The following DRC9 variants were observed in gnomAD, a reference collection of about 807,000 sequenced individuals.
DRC9 encodes dynein regulatory complex protein 9.
chr3:197,901,201 C>T, the DRC9 span, among the ~76,000 whole-genome samples: 8 of 152,220 alleles, frequency 5.3e-5, no homozygotes, highest in East Asian at 1.2e-3. This position sits in a 1 kb window ranked among gnomAD's most constrained non-coding sequence, Gnocchi z 4.4. Flanking sequence ...TGCAGTGGCA[C>T]GATCTTGGCT....
At chr3:197,942,876 A>G in the DRC9 span, among the ~76,000 whole-genome samples, 1 of 151,472 alleles carries the variant, frequency 6.6e-6, no homozygotes, top group African/African-American at 2.4e-5. Flanking sequence ...CTGGGCAACA[A>G]GAGCGAAACT....
chr3:197,906,711 C>G, the DRC9 span: 1 of 152,268 alleles, frequency 6.6e-6, no homozygotes, highest in South Asian at 2.1e-4. Flanking sequence ...GGGAGACTTA[C>G]AGTAGGTACT....
chr3:197,944,630 A>T, the DRC9 span, among the ~76,000 whole-genome samples: 1 of 152,044 alleles, frequency 6.6e-6, no homozygotes, highest in Admixed American at 6.6e-5. Flanking sequence ...TTGTATTTTT[A>T]GTAGAGACGT....
chr3:197,899,981 T>C, the DRC9 span, among the ~76,000 whole-genome samples: 1 of 152,118 alleles, frequency 6.6e-6, no homozygotes, highest in Non-Finnish European at 1.5e-5. Flanking sequence ...GCGCGGCACC[T>C]GAGATGTGCA....
chr3:197,898,190 A>G, the DRC9 span, among the ~76,000 whole-genome samples: 444 of 152,088 alleles, frequency 2.9e-3, 5 homozygotes, highest in African/African-American at 0.01. Flanking sequence ...CTCTTCCCTC[A>G]CCTCCTCCAA....
At chr3:197,933,771 T>C in the DRC9 span, among the ~76,000 whole-genome samples, 6 of 152,010 alleles carry the variant, frequency 3.9e-5, no homozygotes, top group Non-Finnish European at 7.4e-5. Context: ...TGTTTGTGTG[T>C]TTTATTTAAA....
the DRC9 span, chr3:197,913,671 C>A: frequency 3.2e-6 from 2 of 629,516 alleles, no homozygotes; most frequent in Admixed American, 2.8e-5. Flanking sequence ...CATTATGAGG[C>A]GGGAGATGGA....
chr3:197,906,605 C>T, the DRC9 span: 1 of 152,164 alleles, frequency 6.6e-6, no homozygotes, highest in African/African-American at 2.4e-5. Context: ...CAATTCAGAG[C>T]CAATGCTTCA....
the DRC9 span, chr3:197,912,575 G>T: frequency 1.2e-6 from 1 of 844,710 alleles, no homozygotes; most frequent in Non-Finnish European, 2.0e-6. Context: ...TAGGCTGAAA[G>T]AATGATGGTT....
the DRC9 span, among the ~76,000 whole-genome samples, chr3:197,933,968 A>G: frequency 7.1e-6 from 1 of 140,056 alleles, no homozygotes; most frequent in Non-Finnish European, 1.5e-5. Flanking sequence ...GGGCCACCTC[A>G]CCCAGCTAAA....
the DRC9 span, among the ~76,000 whole-genome samples, chr3:197,903,911 C>T: frequency 6.6e-6 from 1 of 151,264 alleles, no homozygotes; most frequent in South Asian, 2.1e-4. Context: ...GAGTTCAAGG[C>T]CCGCCTGGGC....
chr3:197,951,393 G>A, the DRC9 span: 5 of 1,464,604 alleles, frequency 3.4e-6, no homozygotes, highest in Non-Finnish European at 4.8e-6. Flanking sequence ...TTGCTCTGTT[G>A]CCGAGGCTGG....
At chr3:197,932,383 C>G in the DRC9 span, 1 of 1,181,830 alleles carries the variant, frequency 8.5e-7, no homozygotes, top group Non-Finnish European at 1.2e-6. Context: ...CCCTGTAATC[C>G]CAGCACTTTG....
the DRC9 span, chr3:197,950,063 A>G: frequency 2.8e-6 from 3 of 1,084,742 alleles, no homozygotes; most frequent in Non-Finnish European, 3.5e-6. Context: ...GTGCTATTGA[A>G]TGTGGCTTAT....
chr3:197,904,106 ATATATTT>A, the DRC9 span, among the ~76,000 whole-genome samples: 845 of 26,076 alleles, frequency 0.032, 17 homozygotes, highest in African/African-American at 0.059. Flanking sequence ...ATATATATAT[ATATATTT>A]TTTTTTTTAA....
At chr3:197,939,001 A>G in the DRC9 span, 3 of 528,528 alleles carry the variant, frequency 5.7e-6, no homozygotes, top group East Asian at 6.5e-5. Context: ...CACCTGGTAC[A>G]CTCTGCTCAA....
chr3:197,891,008 A>G, the DRC9 span, among the ~76,000 whole-genome samples: 1 of 152,352 alleles, frequency 6.6e-6, no homozygotes, highest in East Asian at 1.9e-4. Context: ...CATAAAACTA[A>G]AATATCTCTA....
At chr3:197,951,284 G>A in the DRC9 span, 2 of 1,614,104 alleles carry the variant, frequency 1.2e-6, no homozygotes, top group African/African-American at 1.3e-5. Flanking sequence ...TTGGGCAAGA[G>A]ATGCGCTTAT....
chr3:197,910,332 T>G, the DRC9 span, among the ~76,000 whole-genome samples: 1 of 152,142 alleles, frequency 6.6e-6, no homozygotes, highest in Non-Finnish European at 1.5e-5. Context: ...TATATACTTA[T>G]GTATTGCTTG....
Sources: allele counts gnomAD v4.1 joint callset (sites outside exome capture counted in the v4.1 genomes callset), GRCh38; gene constraint gnomAD v4.1.1; non-coding constraint Gnocchi (gnomAD v3.1); transcripts MANE v1.5; gene names NCBI Gene and HGNC (gene_info 2026-07-23, HGNC 2026-07-21).